OR1J2: variants seen among roughly 807,000 people sequenced by gnomAD.
OR1J2 encodes olfactory receptor 1J2.
For synonymous variants in OR1J2, 142 were observed against 99.7 expected, an observed-to-expected ratio of 1.42 and a Z score of -2.52; for missense variants, 304 against 246.1, an observed-to-expected ratio of 1.24 and a Z score of -1.57.
chr9:122,485,893 G>A, the OR1J2 span, among the ~76,000 whole-genome samples: 1 of 151,892 alleles, frequency 6.6e-6, no homozygotes, highest in South Asian at 2.1e-4. Flanking sequence ...GAATTGTTAA[G>A]AAATCTGATG....
At chr9:122,548,838 G>T in the OR1J2 span, among the ~76,000 whole-genome samples, 6 of 141,884 alleles carry the variant, frequency 4.2e-5, no homozygotes, top group East Asian at 6.3e-4. Flanking sequence ...TTGTTGAGCT[G>T]TTTGACTTCC....
chr9:122,533,873 G>A, the OR1J2 span, among the ~76,000 whole-genome samples: 2 of 152,262 alleles, frequency 1.3e-5, no homozygotes, highest in East Asian at 3.9e-4. Context: ...CAGGGCTTCT[G>A]AGGCGATCAG....
At chr9:122,464,123 G>C in the OR1J2 span, among the ~76,000 whole-genome samples, 1 of 152,212 alleles carries the variant, frequency 6.6e-6, no homozygotes, top group Non-Finnish European at 1.5e-5. Flanking sequence ...TGTGGCTGCT[G>C]TGGGGGCTGG....
chr9:122,476,044 G>T, the OR1J2 span, among the ~76,000 whole-genome samples: 1 of 152,152 alleles, frequency 6.6e-6, no homozygotes, highest in Non-Finnish European at 1.5e-5. Flanking sequence ...ACCTTTTGGA[G>T]TTTTTGTCAG....
chr9:122,561,875 T>C, the OR1J2 span, among the ~76,000 whole-genome samples: 1,244 of 152,050 alleles, frequency 8.2e-3, 16 homozygotes, highest in African/African-American at 0.029. Flanking sequence ...GTGGAGGGGG[T>C]ATGCTGTGCT....
At chr9:122,553,745 T>C in the OR1J2 span, 30 of 1,613,416 alleles carry the variant, frequency 1.9e-5, no homozygotes, top group Non-Finnish European at 2.5e-5. Context: ...AAGCCATCCC[T>C]CATTTCTATT....
chr9:122,557,343 A>G, the OR1J2 span, among the ~76,000 whole-genome samples: 2 of 152,048 alleles, frequency 1.3e-5, no homozygotes, highest in African/African-American at 4.8e-5. Flanking sequence ...ATTAAGTATG[A>G]TATTAACTGT....
the OR1J2 span, among the ~76,000 whole-genome samples, chr9:122,503,411 A>G: frequency 2.0e-5 from 3 of 152,230 alleles, no homozygotes; most frequent in Non-Finnish European, 4.4e-5. Context: ...CAGTGGCAGC[A>G]GCTAGTTCAT....
At chr9:122,502,480 C>T in the OR1J2 span, among the ~76,000 whole-genome samples, 16 of 152,152 alleles carry the variant, frequency 1.1e-4, no homozygotes, top group African/African-American at 2.2e-4. Flanking sequence ...GGAGGAATCA[C>T]GCAGACCTTC....
the OR1J2 span, among the ~76,000 whole-genome samples, chr9:122,531,425 G>A: frequency 3.3e-5 from 5 of 152,308 alleles, no homozygotes; most frequent in East Asian, 9.6e-4. Context: ...GTGAATAGGA[G>A]TATGACTAGA....
At chr9:122,558,311 CTTTTTTTT>C in the OR1J2 span, among the ~76,000 whole-genome samples, 80 of 34,466 alleles carry the variant, frequency 2.3e-3, no homozygotes, top group African/African-American at 6.2e-3. Flanking sequence ...TTGGATTTTG[CTTTTTTTT>C]TTTTTTTTTT....
chr9:122,467,771 G>C, the OR1J2 span, among the ~76,000 whole-genome samples: 4 of 152,132 alleles, frequency 2.6e-5, no homozygotes, highest in Non-Finnish European at 4.4e-5. Context: ...AAACAACCAT[G>C]GGAGGAGGTT....
At chr9:122,570,250 G>A in the OR1J2 span, among the ~76,000 whole-genome samples, 4 of 151,342 alleles carry the variant, frequency 2.6e-5, no homozygotes, top group African/African-American at 4.9e-5. Context: ...CTGAGGAATC[G>A]CCACACTGAC....
At chr9:122,558,511 T>G in the OR1J2 span, among the ~76,000 whole-genome samples, 1 of 151,766 alleles carries the variant, frequency 6.6e-6, no homozygotes, top group Non-Finnish European at 1.5e-5. Flanking sequence ...TCTATTTGAC[T>G]TCATACTTTC....
the OR1J2 span, chr9:122,526,646 G>A: frequency 5.0e-6 from 8 of 1,614,190 alleles, no homozygotes; most frequent in South Asian, 8.8e-5. Flanking sequence ...CAATGTGGAT[G>A]TAGGAGGTGA....
the OR1J2 span, among the ~76,000 whole-genome samples, chr9:122,476,154 G>A: frequency 2.6e-5 from 4 of 152,200 alleles, no homozygotes; most frequent in Admixed American, 2.6e-4. Flanking sequence ...GTATGTGTTT[G>A]GGGAGAAAGG....
At chr9:122,498,486 C>T in the OR1J2 span, among the ~76,000 whole-genome samples, 20 of 152,128 alleles carry the variant, frequency 1.3e-4, no homozygotes, top group Middle Eastern at 3.2e-3. Context: ...CCAGAAACTC[C>T]GACTGATTTC....
the OR1J2 span, among the ~76,000 whole-genome samples, chr9:122,536,781 A>C: frequency 7.2e-4 from 109 of 152,260 alleles, no homozygotes; most frequent in Non-Finnish European, 1.2e-3. Context: ...CTGTGTGTGG[A>C]TAGCCAGTTT....
chr9:122,536,208 A>G, the OR1J2 span, among the ~76,000 whole-genome samples: 7 of 152,176 alleles, frequency 4.6e-5, no homozygotes, highest in Non-Finnish European at 1.0e-4. Context: ...GTGTAAATGC[A>G]TCTCCTTGCT....
Sources: allele counts gnomAD v4.1 joint callset (sites outside exome capture counted in the v4.1 genomes callset), GRCh38; gene constraint gnomAD v4.1.1; transcripts MANE v1.5; gene names NCBI Gene and HGNC (gene_info 2026-07-23, HGNC 2026-07-21).